ZCCHC4: variants seen among roughly 807,000 people sequenced by gnomAD.
ZCCHC4 encodes the protein rRNA N(6)-adenosine-methyltransferase ZCCHC4.
In ZCCHC4, 54 loss-of-function variants were observed where a neutral mutation model predicts 67.7. That is an observed-to-expected ratio of 0.80 (90% CI 0.64 to 1.00). ZCCHC4 has a LOEUF of 1.00. ZCCHC4 is among the 50% of genes least tolerant of loss of function. The pLI, the probability that ZCCHC4 is intolerant of heterozygous loss-of-function variation, is 0.00. For synonymous variants in ZCCHC4, 198 were observed against 213.5 expected (o/e 0.93, Z 0.63); for missense variants, 609 against 617.0 (o/e 0.99, Z 0.14).
intron 5 of ZCCHC4, among the ~76,000 whole-genome samples, chr4:25,339,643 C>T (rs971662889): frequency 3.3e-5 from 5 of 152,102 alleles, no homozygotes; most frequent in South Asian, 2.1e-4. Context: ...TTAATATATT[C>T]TGGATACTAG....
At chr4:25,335,630 C>T (rs943585352) in intron 5 of ZCCHC4, among the ~76,000 whole-genome samples, 3 of 151,942 alleles carry the variant, frequency 2.0e-5, no homozygotes, top group African/African-American at 4.8e-5. Context: ...TGTGGTGGTA[C>T]GTGCCTATAG....
At chr4:25,335,753 C>A (rs751100692) in intron 5 of ZCCHC4, among the ~76,000 whole-genome samples, 3 of 152,082 alleles carry the variant, frequency 2.0e-5, no homozygotes, top group Non-Finnish European at 4.4e-5. Context: ...GAGTGAGACC[C>A]CTGTCTCAAA....
chr4:25,314,008 C>T (rs771914927), intron 1 of ZCCHC4, 38 bp from the exon 2 acceptor site: 2 of 1,243,830 alleles, frequency 1.6e-6, no homozygotes, highest in African/African-American at 1.7e-5. Context: ...ATGACCATTA[C>T]TTGACACTTT....
chr4:25,324,014 G>GTTTTTT lies in ZCCHC4; in HGVS notation c.329+8625_329+8630dup, dbSNP rs71188998. Among the ~76,000 whole-genome samples, 5 of 82,444 alleles carry GTTTTTT rather than the reference G, an allele frequency of 6.1e-5. 1 individual carries two copies. Among genetic ancestry groups the GTTTTTT allele is most frequent in the Admixed American group, 1.7e-4 (1 of 5,832 alleles). The allele number at this position is 82,444 out of a possible 152,430, so 54.1% of individuals were successfully genotyped here. A position where few individuals can be genotyped will look rare whatever the true frequency, so the allele number is the denominator to read the frequency against. On this transcript the variant is annotated intron_variant, in intron 3 of 12. Transcript: ENST00000302874. ...TCGTACAGTATGTACTGTTTTTTGT[G>GTTTTTT]TTTTTTTTTTTTTTTTGAGACAGAG...
chr4:25,365,333 C>G lies in ZCCHC4; in HGVS notation c.1406+167C>G, dbSNP rs556815697. On this transcript the variant is annotated intron_variant, in intron 12 of 12. Transcript: ENST00000302874. ...ATGGAGGGAGGAGAGGAAGATGATT[C>G]AAAGAGCTTGCTTTCAAAGAGCTTA... 1.4e-3 allele frequency: 1,904 copies of G among 1,406,996 alleles called. 4 individuals carry two copies. The highest frequency in any genetic ancestry group is 1.6e-3 in the Non-Finnish European group (1,698 of 1,083,304). 87.2% of individuals were successfully genotyped at this position (1,406,996 alleles called of 1,614,324 possible).
intron 12 of ZCCHC4, among the ~76,000 whole-genome samples, chr4:25,367,282 T>G (rs1025081244): frequency 2.6e-5 from 4 of 152,174 alleles, no homozygotes; most frequent in Admixed American, 6.5e-5. Flanking sequence ...CTAGGTCAAT[T>G]TAATTTTAAG....
chr4:25,339,056 T>C (rs1002042936), intron 5 of ZCCHC4, among the ~76,000 whole-genome samples: 3 of 152,216 alleles, frequency 2.0e-5, no homozygotes, highest in African/African-American at 7.2e-5. Context: ...CTCTGTGGCA[T>C]GCAGATGGTC....
At chr4:25,340,313 T>C (rs1465786253) in intron 5 of ZCCHC4, among the ~76,000 whole-genome samples, 1 of 152,210 alleles carries the variant, frequency 6.6e-6, no homozygotes, top group African/African-American at 2.4e-5. Context: ...ACCACAAATA[T>C]ATAGGTTTAT....
intron 8 of ZCCHC4, among the ~76,000 whole-genome samples, chr4:25,353,890 A>G (rs1720409161): frequency 6.6e-6 from 1 of 152,202 alleles, no homozygotes; most frequent in Non-Finnish European, 1.5e-5. Context: ...GTCATCATTC[A>G]GATAGTCCCA....
At chr4:25,349,235 T>C (rs1312859122) in intron 6 of ZCCHC4, among the ~76,000 whole-genome samples, 1 of 152,214 alleles carries the variant, frequency 6.6e-6, no homozygotes, top group Non-Finnish European at 1.5e-5. Context: ...TTTAACCATT[T>C]GAAATGTGTA....
chr4:25,333,178 T>G lies in ZCCHC4; in HGVS notation c.330-5T>G, dbSNP rs760613841. The G allele has an allele frequency of 1.2e-6, 2 of 1,608,012 alleles. No homozygotes were observed. On this transcript the variant is annotated splice_region_variant and splice_polypyrimidine_tract_variant and intron_variant, in intron 3 of 12. Transcript: ENST00000302874. The stretch of plus-strand genomic sequence containing the variant: ...TATTTCTTTGTGTTTTATTTTGTCT[T>G]GAAGGTACTTGAAGTTTATTGAGTT...
intron 12 of ZCCHC4, chr4:25,366,087 T>C (rs937987887): frequency 2.1e-6 from 2 of 973,010 alleles, no homozygotes; most frequent in African/African-American, 1.8e-5. Flanking sequence ...AAATATCTGA[T>C]AGTTTAATAA....
At chr4:25,316,896 T>G (rs568204886) in intron 3 of ZCCHC4, among the ~76,000 whole-genome samples, 1 of 152,248 alleles carries the variant, frequency 6.6e-6, no homozygotes. Context: ...TCCATTGTTA[T>G]GAAGATTTGC....
chr4:25,348,172 A>G lies in ZCCHC4; in HGVS notation c.760-1320A>G, dbSNP rs977179161. Among the ~76,000 whole-genome samples the G allele has an allele frequency of 2.6e-5, 4 of 152,200 alleles. No individual in the cohort carries two copies. In the East Asian group the frequency reaches 7.7e-4, roughly 29 times the overall value. ...GCAGGTTAAGGAAGTGCCAGACAGCACTTGAAAAATGATTAACCTTCTTGA... is the reference window on the plus strand; with the variant it reads ...GCAGGTTAAGGAAGTGCCAGACAGCGCTTGAAAAATGATTAACCTTCTTGA... On this transcript the variant is annotated intron_variant, in intron 6 of 12. Coordinates refer to ENST00000302874, the MANE Select transcript of ZCCHC4 (RefSeq NM_024936.3).
At chr4:25,337,846 T>G (rs961361384) in intron 5 of ZCCHC4, among the ~76,000 whole-genome samples, 2 of 152,138 alleles carry the variant, frequency 1.3e-5, no homozygotes, top group Non-Finnish European at 2.9e-5. Flanking sequence ...AAGACAAGCT[T>G]TTTCAAGCTA....
At position 25,359,408 on chromosome 4, in the gene ZCCHC4, G is replaced by A. The variant is rs1012041406; in HGVS notation, c.1012-2451G>A. On this transcript the variant is annotated intron_variant, in intron 8 of 12. Transcript: ENST00000302874. This position sits in a 1 kb window ranked among gnomAD's most constrained non-coding sequence, Gnocchi z 4.9. ...AATGGGGACCTCCAGGCACAGGCGG[G>A]GCACCTGGAGGCTCGGCTACAGAGC... Among the ~76,000 whole-genome samples, 2 of 152,166 alleles carry A rather than the reference G, an allele frequency of 1.3e-5. No homozygotes were observed. Among genetic ancestry groups the A allele is most frequent in the Admixed American group, 6.5e-5 (1 of 15,278 alleles).
In ZCCHC4 at chr4:25,321,319, C is replaced by G. The variant is rs1237544620; in HGVS notation, c.329+5919C>G. Among the ~76,000 whole-genome samples the G allele has an allele frequency of 2.6e-5, 4 of 151,992 alleles. No individual in the cohort carries two copies. In the East Asian group the frequency reaches 7.7e-4, roughly 29 times the overall value. ...CCAGGCAGGAGTGCAGTGGTGCATTCATAGCTCATTGTAGCCTCCAACTTT... is the reference window on the plus strand; with the variant it reads ...CCAGGCAGGAGTGCAGTGGTGCATTGATAGCTCATTGTAGCCTCCAACTTT... On this transcript the variant is annotated intron_variant, in intron 3 of 12. Coordinates refer to ENST00000302874, the MANE Select transcript of ZCCHC4 (RefSeq NM_024936.3).
chr4:25,335,060 GTCC>G (rs1719382769), intron 5 of ZCCHC4, among the ~76,000 whole-genome samples: 2 of 152,076 alleles, frequency 1.3e-5, no homozygotes, highest in African/African-American at 4.8e-5. Context: ...GCCTCAAGCA[GTCC>G]TCCTGCCTTG....
intron 3 of ZCCHC4, among the ~76,000 whole-genome samples, chr4:25,324,882 A>G (rs888597745): frequency 2.6e-5 from 4 of 152,140 alleles, no homozygotes; most frequent in Non-Finnish European, 5.9e-5. Flanking sequence ...AATTGGGCTA[A>G]TTGTCTTTTT....
Sources: gnomAD v4.1 joint callset for allele counts (sites outside exome capture counted in the v4.1 genomes callset) on GRCh38, gnomAD v4.1.1 for gene constraint, Gnocchi (gnomAD v3.1) non-coding constraint, MANE v1.5 for transcripts, NCBI Gene and HGNC (gene_info 2026-07-23, HGNC 2026-07-21) for gene names.